CTNNA3: variants seen among roughly 807,000 people sequenced by gnomAD.
The protein encoded by CTNNA3 is catenin alpha-3.
In CTNNA3, 76 loss-of-function variants were observed where a neutral mutation model predicts 95.7. The ratio of observed to expected loss-of-function variants is 0.79; its 90% confidence interval spans 0.66 to 0.96. The LOEUF (loss-of-function observed/expected upper bound fraction) is 0.96. Among genes scored for constraint, CTNNA3 ranks in the 40% least tolerant of loss-of-function variants. CTNNA3 has a pLI of 0.00. For missense variants in CTNNA3, 1,191 were observed against 1,089.8 expected (o/e 1.09, Z -1.31); for synonymous variants, 431 against 374.4 (o/e 1.15, Z -1.74).
At chr10:66,540,329 T>C in intron 10 of CTNNA3, among the ~76,000 whole-genome samples, 1 of 152,200 alleles carries the variant, frequency 6.6e-6, no homozygotes, top group Admixed American at 6.6e-5. Flanking sequence ...AAATTCACTT[T>C]GGAAGTTTCT....
At chr10:66,559,241 C>G (rs1842478346) in intron 10 of CTNNA3, among the ~76,000 whole-genome samples, 1 of 152,016 alleles carries the variant, frequency 6.6e-6, no homozygotes, top group Admixed American at 6.6e-5. Flanking sequence ...TGCAGTGACT[C>G]TGATACTTTT....
At chr10:67,418,175 G>A (rs1451519274) in intron 5 of CTNNA3, among the ~76,000 whole-genome samples, 1 of 152,080 alleles carries the variant, frequency 6.6e-6, no homozygotes, top group Non-Finnish European at 1.5e-5. Flanking sequence ...TGGAAAGCAA[G>A]AGAAAGTTAT....
At chr10:66,362,939 A>G (rs1364866787) in intron 12 of CTNNA3, among the ~76,000 whole-genome samples, 1 of 152,192 alleles carries the variant, frequency 6.6e-6, no homozygotes, top group Non-Finnish European at 1.5e-5. Context: ...TCTCTAAAAA[A>G]GTGACTATTT....
chr10:67,229,078 T>G (rs756909897), intron 5 of CTNNA3, among the ~76,000 whole-genome samples: 11 of 152,184 alleles, frequency 7.2e-5, no homozygotes, highest in Admixed American at 1.3e-4. Context: ...AACAAAATAC[T>G]GGCTAACTGA....
chr10:66,465,162 A>C (rs1838860462), intron 11 of CTNNA3, among the ~76,000 whole-genome samples: 1 of 152,066 alleles, frequency 6.6e-6, no homozygotes, highest in Non-Finnish European at 1.5e-5. Flanking sequence ...TACATTGTAA[A>C]ACTTAACCAC....
At chr10:67,143,709 T>A (rs966659989) in intron 7 of CTNNA3, among the ~76,000 whole-genome samples, 1 of 152,256 alleles carries the variant, frequency 6.6e-6, no homozygotes, top group East Asian at 1.9e-4. Flanking sequence ...TTTGGTCCCA[T>A]CTTCAGGCTC....
intron 11 of CTNNA3, among the ~76,000 whole-genome samples, chr10:66,511,550 GTA>G (rs1840660204): frequency 6.6e-6 from 1 of 150,708 alleles, no homozygotes; most frequent in South Asian, 2.1e-4. Context: ...AGGTTTTTTG[GTA>G]TGTCTTGTTT....
chr10:66,331,543 G>A (rs548519213), intron 12 of CTNNA3, among the ~76,000 whole-genome samples: 56 of 151,200 alleles, frequency 3.7e-4, no homozygotes, highest in Admixed American at 1.7e-3. Context: ...TAGTAGAGAC[G>A]GGGTTTCACC....
intron 17 of CTNNA3, among the ~76,000 whole-genome samples, chr10:65,921,561 T>C (rs1327480122): frequency 2.6e-5 from 4 of 152,248 alleles, no homozygotes; most frequent in African/African-American, 7.2e-5. Flanking sequence ...TTACCAGACA[T>C]ACGCCTTACA....
chr10:66,644,845 T>C (rs189853078), intron 9 of CTNNA3, among the ~76,000 whole-genome samples: 2 of 152,114 alleles, frequency 1.3e-5, no homozygotes, highest in Admixed American at 1.3e-4. Flanking sequence ...TGTTGAACAG[T>C]TCCCACACCA....
chr10:66,385,930 T>C (rs1266563511), intron 11 of CTNNA3, among the ~76,000 whole-genome samples: 1 of 152,160 alleles, frequency 6.6e-6, no homozygotes, highest in Non-Finnish European at 1.5e-5. Context: ...TAGGTATTGA[T>C]GGGACATATC....
Position 66,353,773 on chromosome 10 carries a change from G to A in CTNNA3, c.1732+25379C>T, listed in dbSNP as rs539387207. Among the ~76,000 whole-genome samples the A allele has an allele frequency of 6.6e-5, 10 of 152,080 alleles. 1 individual carries two copies. Among genetic ancestry groups the A allele is most frequent in the African/African-American group, 2.2e-4 (9 of 41,520 alleles). On this transcript the variant is annotated intron_variant, in intron 12 of 17. Transcript: ENST00000433211. ...GAGGAACTGGAGATTAATCAACCCA[G>A]GGATAGTTTTTGTAACAGGGGAAAG...
intron 13 of CTNNA3, among the ~76,000 whole-genome samples, chr10:66,166,498 CAAA>C (rs35165850): frequency 1.2e-3 from 129 of 105,182 alleles, no homozygotes; most frequent in East Asian, 3.8e-3. Context: ...CAGTCTGTCT[CAAA>C]AAAAAAAAAA....
intron 13 of CTNNA3, among the ~76,000 whole-genome samples, chr10:66,161,026 C>T (rs1452197839): frequency 2.0e-5 from 3 of 152,156 alleles, no homozygotes; most frequent in Non-Finnish European, 4.4e-5. Context: ...TGTCCATTTG[C>T]ATGAAATGCC....
At chr10:66,671,276 A>C (rs761000401) in intron 9 of CTNNA3, among the ~76,000 whole-genome samples, 7 of 152,186 alleles carry the variant, frequency 4.6e-5, no homozygotes, top group Non-Finnish European at 1.0e-4. Flanking sequence ...ACAATATTAC[A>C]AAAGCTATTT....
At chr10:67,293,762 C>A (rs937386999) in intron 5 of CTNNA3, among the ~76,000 whole-genome samples, 1 of 148,906 alleles carries the variant, frequency 6.7e-6, no homozygotes, top group South Asian at 2.1e-4. Flanking sequence ...TGAGAGCATG[C>A]GGTGTTTGGT....
At chr10:66,897,201 G>A (rs1228822584) in intron 7 of CTNNA3, among the ~76,000 whole-genome samples, 1 of 152,000 alleles carries the variant, frequency 6.6e-6, no homozygotes, top group East Asian at 1.9e-4. Flanking sequence ...AATAAGCAAA[G>A]TGTTTAAGCA....
intron 4 of CTNNA3, among the ~76,000 whole-genome samples, chr10:67,530,471 G>A (rs554739623): frequency 6.6e-6 from 1 of 152,320 alleles, no homozygotes; most frequent in South Asian, 2.1e-4. Context: ...GTGGCATTTT[G>A]CCCTGCCCTA....
intron 10 of CTNNA3, among the ~76,000 whole-genome samples, chr10:66,537,033 T>A (rs1564518887): frequency 6.6e-6 from 1 of 151,166 alleles, no homozygotes. Context: ...GCATTTTCTG[T>A]CAAACACAGT....
Sources: gnomAD v4.1 joint callset for allele counts (sites outside exome capture counted in the v4.1 genomes callset) on GRCh38, gnomAD v4.1.1 for gene constraint, MANE v1.5 for transcripts, NCBI Gene and HGNC (gene_info 2026-07-23, HGNC 2026-07-21) for gene names.